Variants in IKZF4 observed in about 807,000 individuals in gnomAD.
The protein encoded by IKZF4 is zinc finger protein Eos.
In IKZF4, 11 loss-of-function variants were observed where a neutral mutation model predicts 47.7. That is an observed-to-expected ratio of 0.23 (90% CI 0.15 to 0.38). The LOEUF is 0.38. Ranked by LOEUF, IKZF4 falls within the 10% of genes least tolerant of loss-of-function variation. The probability of loss-of-function intolerance (pLI) is 1.00; values close to 1 mark genes in which losing one functional copy is unlikely to be tolerated. For synonymous variants in IKZF4, 298 were observed against 299.4 expected (o/e 1.00, Z 0.05); for missense variants, 557 against 784.9 (o/e 0.71, Z 3.47).
rs1191204797 is a variant in IKZF4, at chr12:56,035,307, C to T, written c.1734C>T (p.Val578=). 2 of 1,612,418 alleles carry T rather than the reference C, an allele frequency of 1.2e-6. No individual in the cohort carries two copies. Among genetic ancestry groups the T allele is most frequent in the Non-Finnish European group, 1.7e-6 (2 of 1,178,928 alleles). The change falls in exon 8 of 8, where the codon GTC becomes GTT. Residue 578 remains valine, a synonymous_variant. Coordinates refer to ENST00000547167, the MANE Select transcript of IKZF4 (RefSeq NM_022465.4). This position sits in a 1 kb window ranked among gnomAD's most constrained non-coding sequence, Gnocchi z 6.1. ...QDRYEFSSHI[V]RGEHKVG is the part of the protein sequence containing the mutation. ...GGTACGAATTCTCTTCCCACATTGT[C>T]CGGGGGGAGCATAAGGTGGGCTAGC...
chr12:56,032,386 T>C, intron 5 of IKZF4, 175 bp from the exon 6 acceptor site: 1 of 619,064 alleles, frequency 1.6e-6, no homozygotes, highest in Non-Finnish European at 2.8e-6. Flanking sequence ...CATCAAATAT[T>C]GTTCATCTGT....
chr12:56,033,877 G>A (rs1246474121), intron 7 of IKZF4, among the ~76,000 whole-genome samples: 2 of 152,024 alleles, frequency 1.3e-5, no homozygotes, highest in Non-Finnish European at 2.9e-5. Context: ...CAGGGTCGAG[G>A]CATCGGGCTG....
chr12:56,030,108 A>T (rs1038584846), intron 5 of IKZF4, among the ~76,000 whole-genome samples: 3 of 152,220 alleles, frequency 2.0e-5, no homozygotes, highest in Admixed American at 6.5e-5. Context: ...GAGCTAAAAA[A>T]GTTGATCTCA....
intron 7 of IKZF4, 146 bp from the exon 8 acceptor site, chr12:56,034,425 C>G: frequency 1.4e-6 from 1 of 738,092 alleles, no homozygotes; most frequent in Non-Finnish European, 2.2e-6. Flanking sequence ...GGAGCAGTCC[C>G]ACAAAGGACC....
At chr12:56,017,404 C>T (rs1416487512), upstream of IKZF4, among the ~76,000 whole-genome samples, 2 of 152,000 alleles carry the variant, frequency 1.3e-5, no homozygotes, top group African/African-American at 4.8e-5. Context: ...GTCACCCTCC[C>T]TCACACCACA....
chr12:56,032,464 C>T, intron 5 of IKZF4, 97 bp from the exon 6 acceptor site: 5 of 1,244,106 alleles, frequency 4.0e-6, no homozygotes, highest in Non-Finnish European at 5.5e-6. Context: ...ACATCCTTTC[C>T]TTCCCATGCC....
chr12:56,016,446 G>A (rs1342760561), upstream of IKZF4, among the ~76,000 whole-genome samples: 6 of 137,994 alleles, frequency 4.3e-5, no homozygotes, highest in Admixed American at 1.5e-4. Flanking sequence ...TTTTGTGACC[G>A]GGTCTCACTC....
At chr12:56,030,516 G>C (rs1894757012) in intron 5 of IKZF4, among the ~76,000 whole-genome samples, 1 of 152,024 alleles carries the variant, frequency 6.6e-6, no homozygotes, top group African/African-American at 2.4e-5. Flanking sequence ...GATCACCTGA[G>C]GTCAGGAGTT....
At chr12:56,016,424 C>CT (rs1316176573), upstream of IKZF4, among the ~76,000 whole-genome samples, 2,933 of 132,868 alleles carry the variant, frequency 0.022, 89 homozygotes, top group African/African-American at 0.063. Context: ...TTTTTCTTTT[C>CT]TTTTTTTTTT....
At chr12:56,018,145 T>C (rs765789439), upstream of IKZF4, 6 of 1,289,356 alleles carry the variant, frequency 4.7e-6, no homozygotes, top group South Asian at 2.5e-5. Context: ...AAAATGGACA[T>C]AGAAGACTGC....
upstream of IKZF4, among the ~76,000 whole-genome samples, chr12:56,016,546 C>T (rs1892094616): frequency 6.6e-6 from 1 of 151,542 alleles, no homozygotes. Flanking sequence ...CTCAGCCTCC[C>T]AAGTACCTGG....
rs151174544 is a variant in IKZF4, at chr12:56,025,731, C to T, written c.286+573C>T. ...TTCAATCTAATGAGGTGGGAGGGAA[C>T]TGTAAGCATGTCTGTCTTCCAGGTT... On this transcript the variant is annotated intron_variant, in intron 3 of 7. Coordinates refer to ENST00000547167, the MANE Select transcript of IKZF4 (RefSeq NM_022465.4). Among the ~76,000 whole-genome samples the T allele has an allele frequency of 8.0e-3, 1,225 of 152,220 alleles. 6 individuals carry two copies. Among genetic ancestry groups the T allele is most frequent in the African/African-American group, 0.027 (1,119 of 41,520 alleles).
chr12:56,019,417 T>G (rs535111125), upstream of IKZF4: 1 of 976,362 alleles, frequency 1.0e-6, no homozygotes, highest in Non-Finnish European at 1.2e-6. Flanking sequence ...TAATGTAAGG[T>G]AAGATGTTGA....
At chr12:56,033,434 G>A in intron 7 of IKZF4, 113 bp downstream of exon 7, 1 of 1,359,022 alleles carries the variant, frequency 7.4e-7, no homozygotes, top group Non-Finnish European at 1.0e-6. Flanking sequence ...TGGGCTGGGT[G>A]CAGTGGCTCA....
chr12:56,033,765 G>GA (rs750324097), intron 7 of IKZF4, among the ~76,000 whole-genome samples: 56 of 152,118 alleles, frequency 3.7e-4, no homozygotes, highest in Non-Finnish European at 7.2e-4. Context: ...CTCTGATACT[G>GA]AAAATCTATC....
chr12:56,014,566 T>C (rs747847380), intron 2 of IKZF4, among the ~76,000 whole-genome samples: 2 of 152,180 alleles, frequency 1.3e-5, no homozygotes, highest in Non-Finnish European at 2.9e-5. Flanking sequence ...CGACTTGTTC[T>C]TCCTTTTTAA....
In IKZF4 at chr12:56,038,036, TC is replaced by T. The variant is rs1895762755; in HGVS notation, c.*2706del. ...GGATTTTGTAATACTTCTGGCAGCT[TC>T]TTTCCTTGTGTACATAATATATATA... On this transcript the variant is annotated 3_prime_UTR_variant, in exon 8 of 8. Coordinates refer to ENST00000547167, the MANE Select transcript of IKZF4 (RefSeq NM_022465.4). 6.7e-6 allele frequency: 1 copy of T among 150,030 alleles called. No homozygotes were observed. Among genetic ancestry groups the T allele is most frequent in the Admixed American group, 6.7e-5 (1 of 15,022 alleles). The allele number at this position is 150,030 out of a possible 1,614,324, so 9.3% of individuals were successfully genotyped here.
chr12:56,029,786 G>C (rs1894614611), intron 5 of IKZF4: 2 of 152,190 alleles, frequency 1.3e-5, no homozygotes, highest in African/African-American at 4.8e-5. Flanking sequence ...GGAAAAATGA[G>C]TTGCGGGTCA....
In IKZF4 at chr12:56,034,693, G is replaced by A; in HGVS notation, c.1120G>A (p.Ala374Thr). ...AGAGCCTGGCTTTGGAAGTTCCCTG[G>A]CCTTTGTGGGTGCAGAGCATCTGCG... Reference protein sequence around the residue: ...SLEPGFGSSLAFVGAEHLRPL... With the variant: ...SLEPGFGSSLTFVGAEHLRPL... The change falls in exon 8 of 8, where the codon GCC becomes ACC. Residue 374 changes from alanine (A) to threonine (T), a missense_variant. By Grantham distance (58) the Ala-to-Thr change is moderately conservative. Transcript: ENST00000547167. The A allele has an allele frequency of 6.2e-7, 1 of 1,614,016 alleles. No individual in the cohort carries two copies. Among genetic ancestry groups the A allele is most frequent in the South Asian group, 1.1e-5 (1 of 91,084 alleles).
Sources: allele counts gnomAD v4.1 joint callset (sites outside exome capture counted in the v4.1 genomes callset), GRCh38; gene constraint gnomAD v4.1.1; non-coding constraint Gnocchi (gnomAD v3.1); transcripts MANE v1.5; gene names NCBI Gene and HGNC (gene_info 2026-07-23, HGNC 2026-07-21).